Variants in RAPGEF6 observed in about 807,000 individuals in gnomAD.
RAPGEF6 encodes the protein PDZ domain containing guanine nucleotide exchange factor (GEF) 2.
In RAPGEF6, 56 loss-of-function variants were observed where a neutral mutation model predicts 171.4. The ratio of observed to expected loss-of-function variants is 0.33; its 90% CI spans 0.26 to 0.41. RAPGEF6 has a LOEUF of 0.41. Among genes scored for constraint, RAPGEF6 ranks in the 10% least tolerant of loss-of-function variants. The probability of loss-of-function intolerance (pLI) is 1.00; values close to 1 mark genes in which losing one functional copy is unlikely to be tolerated. For synonymous variants in RAPGEF6, 692 were observed against 650.1 expected (o/e 1.06, Z -0.98); for missense variants, 1,674 against 1,921.4 (o/e 0.87, Z 2.41).
intron 26 of RAPGEF6, among the ~76,000 whole-genome samples, chr5:131,430,224 G>C (rs6891387): frequency 0.43 from 65,029 of 151,796 alleles, 18,284 homozygotes; most frequent in African/African-American, 0.81. Flanking sequence ...ATTCAAAGTA[G>C]AGTCATTCCA....
At chr5:131,440,165 T>A (rs933075498) in intron 23 of RAPGEF6, 2 of 454,222 alleles carry the variant, frequency 4.4e-6, no homozygotes, top group African/African-American at 2.0e-5. Flanking sequence ...ATCTGTGCTG[T>A]GGGTATACGG....
chr5:131,540,251 A>T (rs187947422), intron 6 of RAPGEF6, among the ~76,000 whole-genome samples: 1 of 152,350 alleles, frequency 6.6e-6, no homozygotes, highest in East Asian at 1.9e-4. Flanking sequence ...ACCAACACTC[A>T]TACAGGCACA....
At chr5:131,510,213 C>T (rs1757629015) in intron 8 of RAPGEF6, 101 bp downstream of exon 8, 1 of 1,235,754 alleles carries the variant, frequency 8.1e-7, no homozygotes, top group Admixed American at 2.6e-5. Context: ...TGGCTTAACA[C>T]AACACACATT....
intron 1 of RAPGEF6, among the ~76,000 whole-genome samples, chr5:131,623,477 C>CTTTTTTTTT (rs763921579): frequency 2.6e-5 from 3 of 114,146 alleles, no homozygotes; most frequent in Non-Finnish European, 5.4e-5. Flanking sequence ...TTTCACATTG[C>CTTTTTTTTT]TTTTTTTTTT....
In RAPGEF6 at chr5:131,601,278, G is replaced by A. The variant is rs183896367; in HGVS notation, c.197+1993C>T. 2.0e-5 allele frequency among the ~76,000 whole-genome samples: 3 copies of A among 151,580 alleles called. No homozygotes were observed. The South Asian group carries it at 6.3e-4, about 32-fold the overall frequency. ...CGGGCGCCTGTAATCCCAGCTACTCGGGAGGCTGAAGCAGGAGAATCCCTT... is the reference window on the plus strand; with the variant it reads ...CGGGCGCCTGTAATCCCAGCTACTCAGGAGGCTGAAGCAGGAGAATCCCTT... On this transcript the variant is annotated intron_variant, in intron 3 of 27. Coordinates refer to ENST00000509018, the MANE Select transcript of RAPGEF6 (RefSeq NM_016340.6).
Position 131,590,343 on chromosome 5 carries a change from G to C in RAPGEF6, c.281+2040C>G, listed in dbSNP as rs1299079385. Among the ~76,000 whole-genome samples, 12 of 152,304 alleles carry C rather than the reference G, an allele frequency of 7.9e-5. No homozygotes were observed. The South Asian group carries it at 2.5e-3, about 32-fold the overall frequency. ...ACCCAGAAGGCGCAGGTTGCAGTGA[G>C]CCAAGATCATGCCACTGCCCTCCAG... On this transcript the variant is annotated intron_variant, in intron 4 of 27. Coordinates refer to ENST00000509018, the MANE Select transcript of RAPGEF6 (RefSeq NM_016340.6).
In RAPGEF6 at chr5:131,425,870, A is replaced by ACGTTAATG. The variant is rs1436893458; in HGVS notation, c.*1388_*1395dup. 6.4e-5 allele frequency: 9 copies of ACGTTAATG among 140,270 alleles called. No individual in the cohort carries two copies. Among genetic ancestry groups the ACGTTAATG allele is most frequent in the African/African-American group, 2.2e-4 (8 of 37,158 alleles). The allele number at this position is 140,270 out of a possible 1,614,324, so 8.7% of individuals were successfully genotyped here. A position where few individuals can be genotyped will look rare whatever the true frequency, so the allele number is the denominator to read the frequency against. ...GGCTCCAAGTTGATCTGGGTAGTGC[A>ACGTTAATG]CGTTAATGGCTTTGGCTTTTTTTTT... On this transcript the variant is annotated 3_prime_UTR_variant, in exon 28 of 28. Transcript: ENST00000509018.
chr5:131,524,694 C>A (rs1028687607), intron 6 of RAPGEF6, among the ~76,000 whole-genome samples: 1 of 152,042 alleles, frequency 6.6e-6, no homozygotes, highest in Non-Finnish European at 1.5e-5. Flanking sequence ...CGGCTCACTG[C>A]AACCTCTGCC....
intron 23 of RAPGEF6, among the ~76,000 whole-genome samples, chr5:131,442,007 A>T (rs1752414634): frequency 6.6e-6 from 1 of 152,204 alleles, no homozygotes; most frequent in South Asian, 2.1e-4. Context: ...TGGAATAAGC[A>T]ACTTCATTTC....
At position 131,504,598 on chromosome 5, in the gene RAPGEF6, G is replaced by T. The variant is rs762599212; in HGVS notation, c.1254+28C>A. The T allele has an allele frequency of 5.8e-6, 9 of 1,539,130 alleles. No homozygotes were observed. In the East Asian group the frequency reaches 1.8e-4, roughly 32 times the overall value. ...GCTTTGATGATAGAATAAAATCAGT[G>T]ACTAGAAAAATAAGTAAAAACACCC... On this transcript the variant is annotated intron_variant, in intron 11 of 27. Coordinates refer to ENST00000509018, the MANE Select transcript of RAPGEF6 (RefSeq NM_016340.6).
intron 5 of RAPGEF6, among the ~76,000 whole-genome samples, chr5:131,549,708 G>A (rs1288816046): frequency 6.6e-6 from 1 of 151,926 alleles, no homozygotes. Flanking sequence ...TGTGAATATG[G>A]TCTCTCTCTT....
intron 1 of RAPGEF6, among the ~76,000 whole-genome samples, chr5:131,623,059 T>TAAAACAAAAC (rs1044520140): frequency 2.0e-5 from 3 of 152,200 alleles, no homozygotes; most frequent in Non-Finnish European, 4.4e-5. Context: ...TACCTAGTTC[T>TAAAACAAAAC]AAAACAAAAC....
At chr5:131,430,632 A>C in intron 26 of RAPGEF6, 1 of 675,222 alleles carries the variant, frequency 1.5e-6, no homozygotes, top group East Asian at 3.0e-5. Context: ...TGTCCCTCTA[A>C]TTAAATACCT....
chr5:131,512,293 C>T, intron 7 of RAPGEF6, among the ~76,000 whole-genome samples: 1 of 152,096 alleles, frequency 6.6e-6, no homozygotes, highest in Non-Finnish European at 1.5e-5. Flanking sequence ...CTGCAAGCAT[C>T]CAGGTACCCT....
chr5:131,583,921 C>G (rs1396988652), intron 4 of RAPGEF6, among the ~76,000 whole-genome samples: 2 of 152,098 alleles, frequency 1.3e-5, no homozygotes, highest in African/African-American at 4.8e-5. Flanking sequence ...GTGCAAGAAG[C>G]TGAATGAGAA....
chr5:131,618,076 G>A (rs1302841307), intron 1 of RAPGEF6, among the ~76,000 whole-genome samples: 3 of 152,166 alleles, frequency 2.0e-5, no homozygotes, highest in Non-Finnish European at 4.4e-5. Context: ...AAGAAAGTCA[G>A]GACCTGGAAC....
Position 131,461,853 on chromosome 5 carries a change from T to G in RAPGEF6, c.2716A>C (p.Ile906Leu). The G allele has an allele frequency of 6.2e-7, 1 of 1,614,092 alleles. No individual in the cohort carries two copies. Among genetic ancestry groups the G allele is most frequent in the South Asian group, 1.1e-5 (1 of 91,080 alleles). ...GNTHLKRFED[I>L]VNQETFWVAS... ...ACCCAGAATGTCTCTTGGTTTACAA[T>G]GTCCTCAAACCTCTTCAAATGAGTA... The change falls in exon 19 of 28, where the codon ATT becomes CTT. Residue 906 changes from isoleucine (I) to leucine (L), a missense_variant. Around this residue, in one of 3 missense-constraint regions of RAPGEF6, gnomAD observed 1,116 missense variants for 1,321.5 expected, o/e 0.84. Transcript: ENST00000509018.
intron 1 of RAPGEF6, among the ~76,000 whole-genome samples, chr5:131,632,663 A>G (rs987412657): frequency 1.3e-5 from 2 of 152,202 alleles, no homozygotes; most frequent in African/African-American, 2.4e-5. Context: ...TAGACTCCCA[A>G]TAAGCAACTA....
intron 4 of RAPGEF6, among the ~76,000 whole-genome samples, chr5:131,577,821 C>T (rs999416409): frequency 2.0e-5 from 3 of 152,184 alleles, no homozygotes; most frequent in African/African-American, 7.2e-5. Context: ...TAAACTCACT[C>T]GCATTTCTGA....
Sources: gnomAD v4.1 joint callset for allele counts (sites outside exome capture counted in the v4.1 genomes callset) on GRCh38, gnomAD v4.1.1 for gene constraint, gnomAD v4.1.1 regional missense constraint, MANE v1.5 for transcripts, NCBI Gene and HGNC (gene_info 2026-07-23, HGNC 2026-07-21) for gene names.